IL1RAPL2: variants seen among roughly 807,000 people sequenced by gnomAD.
The protein encoded by IL1RAPL2 is interleukin 1 receptor accessory protein like 2.
IL1RAPL2 carries 3 observed loss-of-function variants against 44.1 expected under a neutral mutation model. That is an observed-to-expected ratio of 0.07 (90% CI 0.03 to 0.18). The LOEUF (loss-of-function observed/expected upper bound fraction) is 0.18. Ranked by LOEUF, IL1RAPL2 falls within the 10% of genes least tolerant of loss-of-function variation. The pLI is 1.00. For synonymous variants in IL1RAPL2, 181 were observed against 178.8 expected (o/e 1.01, Z -0.10); for missense variants, 391 against 496.4 (o/e 0.79, Z 2.02).
intron 2 of IL1RAPL2, among the ~76,000 whole-genome samples, chrX:104,773,901 G>T (rs779940710): frequency 8.9e-6 from 1 of 111,957 alleles, no homozygotes; most frequent in Non-Finnish European, 1.9e-5. Flanking sequence ...GGAACTGGAA[G>T]AATCCATTTG....
At chrX:104,796,284 T>C (rs900484299) in intron 2 of IL1RAPL2, among the ~76,000 whole-genome samples, 1 of 112,511 alleles carries the variant, frequency 8.9e-6, no homozygotes, top group Non-Finnish European at 1.9e-5. Flanking sequence ...AAAAGAGACA[T>C]ACAAACTAAA....
intron 2 of IL1RAPL2, among the ~76,000 whole-genome samples, chrX:104,893,813 A>G (rs914254109): frequency 4.5e-5 from 5 of 111,383 alleles, no homozygotes; most frequent in Non-Finnish European, 9.4e-5. Flanking sequence ...TTATGTGTGA[A>G]TTTGATCCTG....
intron 5 of IL1RAPL2, among the ~76,000 whole-genome samples, chrX:105,376,188 A>C (rs1036340784): frequency 1.8e-5 from 2 of 112,031 alleles, no homozygotes; most frequent in African/African-American, 6.5e-5. Context: ...CAGATGATAT[A>C]CTTATTGAGG....
intron 2 of IL1RAPL2, among the ~76,000 whole-genome samples, chrX:104,796,090 A>G (rs1204185397): frequency 8.9e-6 from 1 of 112,123 alleles, no homozygotes; most frequent in Non-Finnish European, 1.9e-5. Flanking sequence ...TTTGTGGACT[A>G]TGGTTCTAAT....
At chrX:104,877,195 T>G (rs746613326) in intron 2 of IL1RAPL2, among the ~76,000 whole-genome samples, 51 of 111,573 alleles carry the variant, frequency 4.6e-4, no homozygotes, top group African/African-American at 1.6e-3. Context: ...AACATACGGG[T>G]GCATGTGTCT....
chrX:104,701,929 C>A (rs142777645), intron 2 of IL1RAPL2, among the ~76,000 whole-genome samples: 1 of 111,746 alleles, frequency 8.9e-6, no homozygotes, highest in East Asian at 2.8e-4. Context: ...GATAGTAATG[C>A]TGATAAAAAT....
intron 3 of IL1RAPL2, among the ~76,000 whole-genome samples, chrX:105,210,598 A>G (rs1478928472): frequency 9.2e-6 from 1 of 108,412 alleles, no homozygotes; most frequent in Non-Finnish European, 1.9e-5. Flanking sequence ...CCAGAAATAA[A>G]AAAGCATATG....
chrX:105,139,669 T>G (rs1322287824), intron 2 of IL1RAPL2, among the ~76,000 whole-genome samples: 3 of 111,468 alleles, frequency 2.7e-5, no homozygotes, highest in Non-Finnish European at 5.7e-5. Context: ...TCATGTCTCT[T>G]TTCATAAGGG....
chrX:105,458,461 G>A (rs1013191966), intron 5 of IL1RAPL2, among the ~76,000 whole-genome samples: 3 of 111,600 alleles, frequency 2.7e-5, no homozygotes, highest in African/African-American at 3.2e-5. Context: ...TTATGCTAAT[G>A]TATTATGTTC....
At chrX:104,889,296 T>C (rs1179451525) in intron 2 of IL1RAPL2, among the ~76,000 whole-genome samples, 1 of 111,459 alleles carries the variant, frequency 9.0e-6, no homozygotes, top group African/African-American at 3.3e-5. Context: ...AGGTTCCTAG[T>C]CGATACAAAA....
chrX:105,072,241 T>C, intron 2 of IL1RAPL2, among the ~76,000 whole-genome samples: 1 of 111,805 alleles, frequency 8.9e-6, no homozygotes, highest in Admixed American at 9.5e-5. Flanking sequence ...CTTTCTGCCA[T>C]GATTGTAAGT....
chrX:104,608,085 T>C (rs138917857), intron 1 of IL1RAPL2, among the ~76,000 whole-genome samples: 13 of 111,173 alleles, frequency 1.2e-4, no homozygotes, highest in African/African-American at 3.6e-4. Context: ...TGCAGGGACA[T>C]TGATGAAGCA....
chrX:104,904,714 TG>T (rs1304709876), intron 2 of IL1RAPL2, among the ~76,000 whole-genome samples: 1 of 110,103 alleles, frequency 9.1e-6, no homozygotes, highest in African/African-American at 3.3e-5. Flanking sequence ...GTTGGACATT[TG>T]GGTTGGTTCC....
chrX:105,188,651 T>C (rs1178742205), intron 2 of IL1RAPL2, among the ~76,000 whole-genome samples: 1 of 111,833 alleles, frequency 8.9e-6, no homozygotes, highest in Admixed American at 9.5e-5. Flanking sequence ...ATCTTTCCCA[T>C]TGATGAATAG....
chrX:105,356,736 A>G (rs1348752995), intron 5 of IL1RAPL2, among the ~76,000 whole-genome samples: 2 of 112,244 alleles, frequency 1.8e-5, no homozygotes, highest in Non-Finnish European at 3.8e-5. Flanking sequence ...TGCCAAAAAG[A>G]CATATTAAGT....
rs768261333 is a variant in IL1RAPL2 at position 104,835,799 on chromosome X, G to A, written c.82+176804G>A. Among the ~76,000 whole-genome samples the A allele has an allele frequency of 2.7e-5, 3 of 111,783 alleles. No homozygotes were observed. The East Asian group carries it at 8.5e-4, about 32-fold the overall frequency. ...GTGCATTAGAAAAAGTTCTTCTGTG[G>A]GTAAAATTTTAGCCACGTTTTCAAA... is the stretch of plus-strand genomic sequence containing the variant. On this transcript the variant is annotated intron_variant, in intron 2 of 10. Transcript: ENST00000372582.
intron 5 of IL1RAPL2, among the ~76,000 whole-genome samples, chrX:105,319,956 A>G (rs911224662): frequency 1.8e-5 from 2 of 111,449 alleles, no homozygotes; most frequent in Non-Finnish European, 3.8e-5. Flanking sequence ...TATTTTCTCA[A>G]AAATGGAAGG....
intron 6 of IL1RAPL2, among the ~76,000 whole-genome samples, chrX:105,540,326 C>T (rs776250986): frequency 1.8e-5 from 2 of 111,501 alleles, no homozygotes; most frequent in Admixed American, 9.5e-5. Context: ...TAAAATGTGG[C>T]ATATATACGC....
intron 2 of IL1RAPL2, among the ~76,000 whole-genome samples, chrX:104,716,695 A>C (rs929844609): frequency 8.9e-6 from 1 of 111,883 alleles, no homozygotes; most frequent in African/African-American, 3.2e-5. Flanking sequence ...TGATTATTAG[A>C]GAAATGCAAA....
Sources: allele counts gnomAD v4.1 joint callset (sites outside exome capture counted in the v4.1 genomes callset), GRCh38; gene constraint gnomAD v4.1.1; transcripts MANE v1.5; gene names NCBI Gene and HGNC (gene_info 2026-07-23, HGNC 2026-07-21).